Variants in RBM20 observed in about 807,000 individuals in gnomAD.
RBM20 encodes the protein RNA binding motif protein 20.
A neutral mutation model predicts 110.1 loss-of-function variants in RBM20; 51 were observed. That is an observed-to-expected ratio of 0.46 (90% confidence interval 0.37 to 0.59). RBM20 has a LOEUF of 0.59. Among genes scored for constraint, RBM20 ranks in the 20% least tolerant of loss-of-function variants. The probability of loss-of-function intolerance (pLI) is 0.00; values close to 1 mark genes in which losing one functional copy is unlikely to be tolerated. For synonymous variants in RBM20, 589 were observed against 618.2 expected, an observed-to-expected ratio of 0.95 and a Z score of 0.70; for missense variants, 1,512 against 1,574.9, an observed-to-expected ratio of 0.96 and a Z score of 0.68.
intron 1 of RBM20, among the ~76,000 whole-genome samples, chr10:110,771,682 G>C (rs1844194243): frequency 6.6e-6 from 1 of 152,188 alleles, no homozygotes; most frequent in South Asian, 2.1e-4. Flanking sequence ...GCAGAAACCA[G>C]AGAAGGCTGC....
chr10:110,699,952 T>C (rs9971271), intron 1 of RBM20, among the ~76,000 whole-genome samples: 9,072 of 152,214 alleles, frequency 0.06, 918 homozygotes, highest in African/African-American at 0.21. Context: ...AGACAGCATG[T>C]ATATGCTGGA....
chr10:110,820,005 T>C (rs1289759186), intron 9 of RBM20, 67 bp from the exon 10 acceptor site: 16 of 999,352 alleles, frequency 1.6e-5, no homozygotes, highest in Non-Finnish European at 2.3e-5. Flanking sequence ...TTCAATATCA[T>C]TCTTTTTTTC....
intron 7 of RBM20, among the ~76,000 whole-genome samples, chr10:110,809,722 G>A (rs1336825689): frequency 1.3e-5 from 2 of 152,166 alleles, no homozygotes; most frequent in Non-Finnish European, 2.9e-5. Context: ...GCTGATGTCT[G>A]TGCTTGAGGT....
chr10:110,782,793 G>GT (rs34201189), intron 2 of RBM20, among the ~76,000 whole-genome samples: 30,329 of 152,074 alleles, frequency 0.2, 3,232 homozygotes, highest in African/African-American at 0.26. Flanking sequence ...TCCTTGCAGA[G>GT]TGTGAGTCAC....
Position 110,820,194 on chromosome 10 carries a change from T to C in RBM20, c.2655+18T>C, listed in dbSNP as rs1359896114. 1.3e-6 allele frequency: 2 copies of C among 1,502,958 alleles called. No homozygotes were observed. The highest frequency in any genetic ancestry group is 1.4e-5 in the African/African-American group (1 of 71,994). The allele number at this position is 1,502,958 out of a possible 1,614,324, so 93.1% of individuals were successfully genotyped here. On this transcript the variant is annotated intron_variant, in intron 10 of 13. Transcript: ENST00000369519. ...CAAAGAAGGTAAAGTTTGTTTCAGA[T>C]TCTGCACTTCTGCCATGAGGGACTG...
chr10:110,792,739 A>G (rs1441390781), intron 5 of RBM20, among the ~76,000 whole-genome samples: 1 of 152,236 alleles, frequency 6.6e-6, no homozygotes, highest in Non-Finnish European at 1.5e-5. Context: ...CCGTGGCAGC[A>G]GAATTATTCA....
intron 1 of RBM20, among the ~76,000 whole-genome samples, chr10:110,774,340 T>G (rs1844233447): frequency 6.6e-6 from 1 of 152,230 alleles, no homozygotes; most frequent in South Asian, 2.1e-4. Context: ...GGTAATGTCA[T>G]GGCTAAGGCC....
intron 1 of RBM20, among the ~76,000 whole-genome samples, chr10:110,704,608 G>A (rs1862808795): frequency 6.6e-6 from 1 of 152,206 alleles, no homozygotes; most frequent in South Asian, 2.1e-4. Context: ...CTTTTACAAT[G>A]TATCCAGGAC....
intron 1 of RBM20, among the ~76,000 whole-genome samples, chr10:110,703,188 T>G (rs914831569): frequency 2.0e-5 from 3 of 151,290 alleles, no homozygotes; most frequent in Admixed American, 6.6e-5. Flanking sequence ...ACCAGCCTGG[T>G]CAACATGGTG....
chr10:110,693,114 C>T (rs1204122979), intron 1 of RBM20, among the ~76,000 whole-genome samples: 2 of 152,074 alleles, frequency 1.3e-5, no homozygotes, highest in African/African-American at 4.8e-5. Flanking sequence ...ATGAATCCCA[C>T]TTGGTCATAG....
At chr10:110,787,254 A>G (rs1042327814) in intron 5 of RBM20, among the ~76,000 whole-genome samples, 11 of 152,244 alleles carry the variant, frequency 7.2e-5, no homozygotes, top group African/African-American at 2.4e-4. Flanking sequence ...TCTGCAGCCC[A>G]GGCTTCTGGT....
chr10:110,813,759 C>A (rs943796731), intron 9 of RBM20, among the ~76,000 whole-genome samples: 1 of 150,184 alleles, frequency 6.7e-6, no homozygotes, highest in Non-Finnish European at 1.5e-5. Flanking sequence ...CACTTTAACC[C>A]GGAAGGCGGA....
intron 9 of RBM20, among the ~76,000 whole-genome samples, chr10:110,813,943 A>G (rs1844808233): frequency 6.6e-6 from 1 of 151,988 alleles, no homozygotes; most frequent in Non-Finnish European, 1.5e-5. Context: ...GGGCGTCACA[A>G]GGAGGGTTGT....
intron 7 of RBM20, among the ~76,000 whole-genome samples, chr10:110,801,166 C>G (rs1369124869): frequency 6.6e-6 from 1 of 152,158 alleles, no homozygotes; most frequent in East Asian, 1.9e-4. Context: ...TGGTGGCTCA[C>G]CCCTGTAATC....
chr10:110,814,656 C>T (rs1225866018), intron 9 of RBM20, among the ~76,000 whole-genome samples: 3 of 152,004 alleles, frequency 2.0e-5, no homozygotes, highest in East Asian at 1.9e-4. Context: ...CCACCACGCC[C>T]GGCTAATTTT....
In RBM20 at chr10:110,837,973, A is replaced by G. The variant is rs550529075; in HGVS notation, c.*1995A>G. 6.6e-6 allele frequency: 1 copy of G among 152,366 alleles called. No homozygotes were observed. Among genetic ancestry groups the G allele is most frequent in the South Asian group, 2.1e-4 (1 of 4,826 alleles). The allele number at this position is 152,366 out of a possible 1,614,324, so 9.4% of individuals were successfully genotyped here. ...AGACCAAAACAAAAGGGAGTCACTC[A>G]TGTTGAAGTTCTGTCTTCCAGGAAA... is the stretch of plus-strand genomic sequence containing the variant. On this transcript the variant is annotated 3_prime_UTR_variant, in exon 14 of 14. Transcript: ENST00000369519.
rs567929738 is a variant in RBM20, at chr10:110,682,967, C to T, written c.191+38322C>T. ...GGAAGAGCTGTTGTTCCTTCTTCCTCGCTTGTTTATTTATCAAGTATTTAT... is the reference window on the plus strand; with the variant it reads ...GGAAGAGCTGTTGTTCCTTCTTCCTTGCTTGTTTATTTATCAAGTATTTAT... On this transcript the variant is annotated intron_variant, in intron 1 of 13. Transcript: ENST00000369519. 2.4e-4 allele frequency among the ~76,000 whole-genome samples: 37 copies of T among 152,224 alleles called. 1 individual carries two copies. Among genetic ancestry groups the T allele is most frequent in the African/African-American group, 7.0e-4 (29 of 41,516 alleles).
chr10:110,821,778 G>A lies in RBM20; in HGVS notation c.3159G>A (p.Glu1053=). 5 of 1,551,786 alleles carry A rather than the reference G, an allele frequency of 3.2e-6. No individual in the cohort carries two copies. Among genetic ancestry groups the A allele is most frequent in the African/African-American group, 1.4e-5 (1 of 73,174 alleles). ...VQQMSSPKPA[E]ERARQPSPFV... ...AAATGTCTTCCCCTAAGCCAGCAGA[G>A]GAGAGGGCCCGGCAGCCAAGCCCAT... The change falls in exon 11 of 14, where the codon GAG becomes GAA. Residue 1053 remains glutamate, a synonymous_variant. Coordinates refer to ENST00000369519, the MANE Select transcript of RBM20 (RefSeq NM_001134363.3).
At chr10:110,834,179 A>G (rs1845094039) in intron 13 of RBM20, among the ~76,000 whole-genome samples, 1 of 152,144 alleles carries the variant, frequency 6.6e-6, no homozygotes, top group Non-Finnish European at 1.5e-5. Flanking sequence ...CAGGCCCTGG[A>G]GCGGAATGTG....
Sources: gnomAD v4.1 joint callset for allele counts (sites outside exome capture counted in the v4.1 genomes callset) on GRCh38, gnomAD v4.1.1 for gene constraint, MANE v1.5 for transcripts, NCBI Gene and HGNC (gene_info 2026-07-23, HGNC 2026-07-21) for gene names.